The following ID1 variants were observed in gnomAD, a reference collection of about 807,000 sequenced individuals.
The protein encoded by ID1 is inhibitor of DNA binding 1.
In ID1, 8 loss-of-function variants were observed where a neutral mutation model predicts 11.3. The observed-to-expected ratio is 0.71, with a 90% CI of 0.42 to 1.28. The LOEUF is 1.28. ID1 is among the 50% of genes most tolerant of loss of function. ID1 has a pLI of 0.01. For synonymous variants in ID1, 176 were observed against 100.2 expected (o/e 1.76, Z -4.52); for missense variants, 347 against 219.8 (o/e 1.58, Z -3.66).
At chr20:31,605,998 G>C in intron 1 of ID1, 55 bp from the exon 2 acceptor site, 1 of 1,610,320 alleles carries the variant, frequency 6.2e-7, no homozygotes, top group South Asian at 1.1e-5. Context: ...CGTTCGCTGC[G>C]CTCGGAGCGG....
chr20:31,606,138 C>A lies in ID1; in HGVS notation c.*44C>A. ...CGGCGGACCCCAGCCATCCAGGGGG[C>A]AAGAGGAATTACGTGCTCTGTGGGT... On this transcript the variant is annotated 3_prime_UTR_variant, in exon 2 of 2. Transcript: ENST00000376112. 6.3e-7 allele frequency: 1 copy of A among 1,580,462 alleles called. No homozygotes were observed. The highest frequency in any genetic ancestry group is 8.7e-7 in the Non-Finnish European group (1 of 1,154,418).
In ID1 at chr20:31,605,716, A is replaced by G. The variant is rs1364447364; in HGVS notation, c.329A>G (p.Asn110Ser). ...DYIRDLQLEL[N>S]SESEVGTPGG... ...ATCAGGGACCTTCAGTTGGAGCTGAACTCGGAATCCGAAGTTGGAACCCCC... is the reference window on the plus strand; with the variant it reads ...ATCAGGGACCTTCAGTTGGAGCTGAGCTCGGAATCCGAAGTTGGAACCCCC... The change falls in exon 1 of 2, where the codon AAC becomes AGC. Residue 110 changes from asparagine to serine, a missense_variant. By Grantham distance (46) the Asn-to-Ser change is conservative. Coordinates refer to ENST00000376112, the MANE Select transcript of ID1 (RefSeq NM_002165.4). 15 of 1,611,202 alleles carry G rather than the reference A, an allele frequency of 9.3e-6. No homozygotes were observed. The highest frequency in any genetic ancestry group is 1.3e-5 in the Non-Finnish European group (15 of 1,178,808).
chr20:31,606,237 C>T lies in ID1; in HGVS notation c.*143C>T, dbSNP rs1986105977. 9 of 834,406 alleles carry T rather than the reference C, an allele frequency of 1.1e-5. No homozygotes were observed. The highest frequency in any genetic ancestry group is 8.8e-5 in the Admixed American group (4 of 45,290). 51.7% of individuals were successfully genotyped at this position (834,406 alleles called of 1,614,324 possible). ...CGGCCACTGCGCCCTTAACTGCATC[C>T]AGCCTGGGGCTGAGGCTGAGGCACT... On this transcript the variant is annotated 3_prime_UTR_variant, in exon 2 of 2. Coordinates refer to ENST00000376112, the MANE Select transcript of ID1 (RefSeq NM_002165.4).
Position 31,605,754 on chromosome 20 carries a change from C to T in ID1, c.367C>T (p.Leu123=). 2 of 1,610,354 alleles carry T rather than the reference C, an allele frequency of 1.2e-6. No homozygotes were observed. Among genetic ancestry groups the T allele is most frequent in the South Asian group, 1.1e-5 (1 of 90,570 alleles). ...SEVGTPGGRG[L]PVRAPLSTLN... is the part of the protein sequence containing the mutation. Reference sequence around the variant, plus strand: ...AGTTGGAACCCCCGGGGGCCGAGGGCTGCCGGTCCGGGCTCCGCTCAGCAC... The same window carrying T: ...AGTTGGAACCCCCGGGGGCCGAGGGTTGCCGGTCCGGGCTCCGCTCAGCAC... Residue 123 remains leucine (L), a synonymous_variant, in exon 1 of 2, where the codon CTG becomes TTG. Transcript: ENST00000376112.
rs1600701557 is a variant in ID1 at position 31,605,987 on chromosome 20, G to A, written c.427-66G>A. ...CCCGTCGTGCTTCCTGGGGAAGGGG[G>A]CGTTCGCTGCGCTCGGAGCGGCGTC... On this transcript the variant is annotated intron_variant, in intron 1 of 1. Transcript: ENST00000376112. 14 of 1,611,270 alleles carry A rather than the reference G, an allele frequency of 8.7e-6. No individual in the cohort carries two copies. In the South Asian group the frequency reaches 1.3e-4, roughly 15 times the overall value.
At position 31,605,833 on chromosome 20, in the gene ID1, A is replaced by G. The variant is rs746542494; in HGVS notation, c.426+20A>G. ...GCCGAGGTGAGATCCAGATCCGACC[A>G]CTAGATCATCCTTATACCGACGGGG... On this transcript the variant is annotated intron_variant, in intron 1 of 1. Coordinates refer to ENST00000376112, the MANE Select transcript of ID1 (RefSeq NM_002165.4). 11 of 1,610,022 alleles carry G rather than the reference A, an allele frequency of 6.8e-6. No individual in the cohort carries two copies. The African/African-American group carries it at 1.3e-4, about 20-fold the overall frequency.
rs893385206 is a variant in ID1, at chr20:31,606,411, C to T, written c.*317C>T. 1.2e-5 allele frequency: 6 copies of T among 481,226 alleles called. No individual in the cohort carries two copies. The highest frequency in any genetic ancestry group is 2.9e-5 in the South Asian group (1 of 33,920). The allele number at this position is 481,226 out of a possible 1,614,324, so 29.8% of individuals were successfully genotyped here. A position where few individuals can be genotyped will look rare whatever the true frequency, so the allele number is the denominator to read the frequency against. Reference sequence around the variant, plus strand: ...GCTTCTCAGATTTCTGAGGAAATTGCTTTGTATTGTATATTACAATGATCA... The same window carrying T: ...GCTTCTCAGATTTCTGAGGAAATTGTTTTGTATTGTATATTACAATGATCA... On this transcript the variant is annotated 3_prime_UTR_variant, in exon 2 of 2. Coordinates refer to ENST00000376112, the MANE Select transcript of ID1 (RefSeq NM_002165.4).
At position 31,606,155 on chromosome 20, in the gene ID1, T is replaced by A; in HGVS notation, c.*61T>A. 1 of 1,528,866 alleles carries A rather than the reference T, an allele frequency of 6.5e-7. No individual in the cohort carries two copies. Among genetic ancestry groups the A allele is most frequent in the Non-Finnish European group, 9.0e-7 (1 of 1,108,090 alleles). The allele number at this position is 1,528,866 out of a possible 1,614,324, so 94.7% of individuals were successfully genotyped here. ...CCAGGGGGCAAGAGGAATTACGTGC[T>A]CTGTGGGTCTCCCCCAACGCGCCTC... On this transcript the variant is annotated 3_prime_UTR_variant, in exon 2 of 2. Coordinates refer to ENST00000376112, the MANE Select transcript of ID1 (RefSeq NM_002165.4).
In ID1 at chr20:31,605,330, G is replaced by T. The variant is rs377301131; in HGVS notation, c.-58G>T. The T allele has an allele frequency of 7.6e-5, 113 of 1,490,014 alleles. 2 individuals are homozygous for T. The South Asian group carries it at 1.3e-3, about 16-fold the overall frequency. 92.3% of individuals were successfully genotyped at this position (1,490,014 alleles called of 1,614,324 possible). Reference sequence around the variant, plus strand: ...TGTTCCATTTTCCGTATCTGCTTCGGGCTTCCACCTCATTTTTTTCGCTTT... The same window carrying T: ...TGTTCCATTTTCCGTATCTGCTTCGTGCTTCCACCTCATTTTTTTCGCTTT... On this transcript the variant is annotated 5_prime_UTR_variant, in exon 1 of 2. Coordinates refer to ENST00000376112, the MANE Select transcript of ID1 (RefSeq NM_002165.4).
Position 31,605,449 on chromosome 20 carries a change from CCGG to C in ID1, c.64_66del (p.Gly22del), listed in dbSNP as rs1568818889. The C allele has an allele frequency of 6.2e-7, 1 of 1,608,882 alleles. No individual in the cohort carries two copies. Among genetic ancestry groups the C allele is most frequent in the Admixed American group, 1.7e-5 (1 of 59,640 alleles). ...GCGGGCCCCAGCTGCGCGCTGAAGG[CCGG>C]CAAGACAGCGAGCGGTGCGGGCGAG... On this transcript the variant is annotated inframe_deletion, in exon 1 of 2. Coordinates refer to ENST00000376112, the MANE Select transcript of ID1 (RefSeq NM_002165.4).
At position 31,605,928 on chromosome 20, in the gene ID1, CG is replaced by C. The variant is rs1986090360; in HGVS notation, c.426+120del. On this transcript the variant is annotated intron_variant, in intron 1 of 1. Coordinates refer to ENST00000376112, the MANE Select transcript of ID1 (RefSeq NM_002165.4). ...CCATCCTTGCGGGTACCTGGCTATG[CG>C]GGGGTGCCTAAGGAGCCTGGAAAAA... 3.2e-6 allele frequency: 5 copies of C among 1,585,620 alleles called. No homozygotes were observed. In the South Asian group the frequency reaches 4.6e-5, roughly 14 times the overall value.
At chr20:31,606,026 C>G (rs574815536) in intron 1 of ID1, 27 bp from the exon 2 acceptor site, 3 of 1,612,850 alleles carry the variant, frequency 1.9e-6, no homozygotes. Context: ...TCCAACCCGC[C>G]GGTCTCATTT....
In ID1 at chr20:31,606,281, C is replaced by T. The variant is rs1986108730; in HGVS notation, c.*187C>T. 12 of 631,040 alleles carry T rather than the reference C, an allele frequency of 1.9e-5. No individual in the cohort carries two copies. Among genetic ancestry groups the T allele is most frequent in the East Asian group, 1.4e-4 (5 of 36,288 alleles). 39.1% of individuals were successfully genotyped at this position (631,040 alleles called of 1,614,324 possible). Reference sequence around the variant, plus strand: ...AGGCACTGGCGAGGAGAGGGCGCTCCTCTCTGCACACCTACTAGTCACCAG... The same window carrying T: ...AGGCACTGGCGAGGAGAGGGCGCTCTTCTCTGCACACCTACTAGTCACCAG... On this transcript the variant is annotated 3_prime_UTR_variant, in exon 2 of 2. Transcript: ENST00000376112.
Position 31,606,188 on chromosome 20 carries a change from C to G in ID1, c.*94C>G, listed in dbSNP as rs1049707. ...TCTCCCCCAACGCGCCTCGCCGGATCTGAGGGAGAACAAGACCGATCGGCG... is the reference window on the plus strand; with the variant it reads ...TCTCCCCCAACGCGCCTCGCCGGATGTGAGGGAGAACAAGACCGATCGGCG... On this transcript the variant is annotated 3_prime_UTR_variant, in exon 2 of 2. Transcript: ENST00000376112. 10 of 1,329,072 alleles carry G rather than the reference C, an allele frequency of 7.5e-6. No homozygotes were observed. The highest frequency in any genetic ancestry group is 1.9e-4 in the Middle Eastern group (1 of 5,342). The allele number at this position is 1,329,072 out of a possible 1,614,324, so 82.3% of individuals were successfully genotyped here.
In ID1 at chr20:31,605,567, G is replaced by A. The variant is rs1021080842; in HGVS notation, c.180G>A (p.Gln60=). ...GCCTGCCTGCCCTGCTGGACGAGCA[G>A]CAGGTAAACGTGCTGCTCTACGACA... ...GARLPALLDE[Q]QVNVLLYDMN... is the part of the protein sequence containing the mutation. The change falls in exon 1 of 2, where the codon CAG becomes CAA. Residue 60 remains glutamine, a synonymous_variant. Coordinates refer to ENST00000376112, the MANE Select transcript of ID1 (RefSeq NM_002165.4). The A allele has an allele frequency of 4.5e-6, 7 of 1,559,066 alleles. No homozygotes were observed. The Admixed American group carries it at 7.7e-5, about 17-fold the overall frequency.
In ID1 at chr20:31,606,345, T is replaced by A; in HGVS notation, c.*251T>A. 1 of 557,866 alleles carries A rather than the reference T, an allele frequency of 1.8e-6. No individual in the cohort carries two copies. Among genetic ancestry groups the A allele is most frequent in the South Asian group, 2.6e-5 (1 of 38,084 alleles). 34.6% of individuals were successfully genotyped at this position (557,866 alleles called of 1,614,324 possible). ...TGGGATTCCACTCGTGTGTTTCTAT[T>A]TTTTGAAAAGCAGACATTTTAAAAA... On this transcript the variant is annotated 3_prime_UTR_variant, in exon 2 of 2. Coordinates refer to ENST00000376112, the MANE Select transcript of ID1 (RefSeq NM_002165.4).
In ID1 at chr20:31,606,275, GC is replaced by G. The variant is rs1986108328; in HGVS notation, c.*182del. 13 of 650,810 alleles carry G rather than the reference GC, an allele frequency of 2.0e-5. No homozygotes were observed. In the Admixed American group the frequency reaches 3.5e-4, roughly 17 times the overall value. 40.3% of individuals were successfully genotyped at this position (650,810 alleles called of 1,614,324 possible). A position where few individuals can be genotyped will look rare whatever the true frequency, so the allele number is the denominator to read the frequency against. ...AGGCTGAGGCACTGGCGAGGAGAGG[GC>G]GCTCCTCTCTGCACACCTACTAGTC... On this transcript the variant is annotated 3_prime_UTR_variant, in exon 2 of 2. Transcript: ENST00000376112.
In ID1 at chr20:31,606,435, C is replaced by T. The variant is rs748899787; in HGVS notation, c.*341C>T. The T allele has an allele frequency of 4.7e-5, 16 of 338,704 alleles. No homozygotes were observed. The highest frequency in any genetic ancestry group is 2.3e-4 in the Admixed American group (5 of 21,674). The allele number at this position is 338,704 out of a possible 1,614,324, so 21.0% of individuals were successfully genotyped here. A position where few individuals can be genotyped will look rare whatever the true frequency, so the allele number is the denominator to read the frequency against. On this transcript the variant is annotated 3_prime_UTR_variant, in exon 2 of 2. Coordinates refer to ENST00000376112, the MANE Select transcript of ID1 (RefSeq NM_002165.4). Reference sequence around the variant, plus strand: ...GCTTTGTATTGTATATTACAATGATCACCGACTGAAAATATTGTTTTACAA... The same window carrying T: ...GCTTTGTATTGTATATTACAATGATTACCGACTGAAAATATTGTTTTACAA...
chr20:31,606,012 C>G, intron 1 of ID1, 41 bp from the exon 2 acceptor site: 1 of 1,607,792 alleles, frequency 6.2e-7, no homozygotes, highest in Non-Finnish European at 8.5e-7. Context: ...GGAGCGGCGT[C>G]CCTTCCAACC....
Sources: gnomAD v4.1 joint callset for allele counts on GRCh38, gnomAD v4.1.1 for gene constraint, MANE v1.5 for transcripts, NCBI Gene and HGNC (gene_info 2026-07-23, HGNC 2026-07-21) for gene names.